The following GLDC variants were observed in gnomAD, a reference collection of about 807,000 sequenced individuals.
The protein encoded by GLDC is glycine dehydrogenase (decarboxylating), mitochondrial.
Under a neutral mutation model 121.3 loss-of-function variants are expected in GLDC, and 104 were observed. That is an observed-to-expected ratio of 0.86 (90% confidence interval 0.73 to 1.01). The LOEUF (loss-of-function observed/expected upper bound fraction) is 1.01. Among genes scored for constraint, GLDC ranks in the 50% least tolerant of loss-of-function variants. GLDC has a pLI of 0.00. For synonymous variants in GLDC, 546 were observed against 480.6 expected, an observed-to-expected ratio of 1.14 and a Z score of -1.78; for missense variants, 1,429 against 1,306.6, an observed-to-expected ratio of 1.09 and a Z score of -1.44.
At chr9:6,544,769 A>G (rs1282555880) in intron 21 of GLDC, among the ~76,000 whole-genome samples, 1 of 152,164 alleles carries the variant, frequency 6.6e-6, no homozygotes, top group Non-Finnish European at 1.5e-5. Flanking sequence ...CCTCCTATAA[A>G]AGTAGACAGC....
At chr9:6,633,470 C>T (rs929126323) in intron 2 of GLDC, among the ~76,000 whole-genome samples, 2 of 152,158 alleles carry the variant, frequency 1.3e-5, no homozygotes, top group African/African-American at 4.8e-5. Context: ...CCACGAATAC[C>T]TCAAACCCAA....
intron 20 of GLDC, among the ~76,000 whole-genome samples, chr9:6,551,668 A>G (rs1197353580): frequency 6.6e-6 from 1 of 152,218 alleles, no homozygotes; most frequent in Non-Finnish European, 1.5e-5. Context: ...TTCCTAGATT[A>G]AGAGCCAGAA....
At chr9:6,564,348 T>C (rs1027292080) in intron 16 of GLDC, among the ~76,000 whole-genome samples, 13 of 151,696 alleles carry the variant, frequency 8.6e-5, no homozygotes, top group African/African-American at 3.2e-4. Flanking sequence ...GGGAAAAAAA[T>C]GTTCCTTCGT....
chr9:6,582,520 C>CA (rs897998989), intron 15 of GLDC, among the ~76,000 whole-genome samples: 170 of 144,204 alleles, frequency 1.2e-3, no homozygotes, highest in Middle Eastern at 3.8e-3. Flanking sequence ...GGCTCCATCT[C>CA]AAAAAAAAAA....
At chr9:6,629,373 C>G (rs1819314092) in intron 2 of GLDC, among the ~76,000 whole-genome samples, 1 of 151,884 alleles carries the variant, frequency 6.6e-6, no homozygotes, top group Non-Finnish European at 1.5e-5. Flanking sequence ...TGCCACCATG[C>G]CCGGCTAATT....
chr9:6,572,814 C>T (rs889211665), intron 15 of GLDC, among the ~76,000 whole-genome samples: 9 of 152,158 alleles, frequency 5.9e-5, no homozygotes, highest in African/African-American at 2.2e-4. Flanking sequence ...TATTTTTCTG[C>T]TGAAGTTAAT....
At chr9:6,631,673 G>T (rs1293885228) in intron 2 of GLDC, among the ~76,000 whole-genome samples, 2 of 152,190 alleles carry the variant, frequency 1.3e-5, no homozygotes, top group Admixed American at 6.5e-5. Flanking sequence ...AAGGTACATT[G>T]TCATGGCCTA....
intron 15 of GLDC, among the ~76,000 whole-genome samples, chr9:6,569,649 C>T (rs892834923): frequency 6.6e-6 from 1 of 151,856 alleles, no homozygotes; most frequent in South Asian, 2.1e-4. Context: ...GAGACTCCAT[C>T]ACAAAAACAA....
At chr9:6,576,669 G>A (rs921636723) in intron 15 of GLDC, among the ~76,000 whole-genome samples, 22 of 152,146 alleles carry the variant, frequency 1.4e-4, no homozygotes, top group African/African-American at 4.3e-4. Context: ...GTTTCACTAC[G>A]TTGGCCAGGC....
At chr9:6,550,781 A>G in intron 21 of GLDC, 22 bp downstream of exon 21, 1 of 1,499,228 alleles carries the variant, frequency 6.7e-7, no homozygotes, top group East Asian at 2.3e-5. Context: ...CAAAGTAATG[A>G]TAGATTAAAG....
chr9:6,558,211 C>A, intron 17 of GLDC: 1 of 533,398 alleles, frequency 1.9e-6, no homozygotes, highest in Non-Finnish European at 3.4e-6. Context: ...ATTTGTGTTA[C>A]AATTCCTGAC....
intron 23 of GLDC, 131 bp from the exon 24 acceptor site, chr9:6,534,919 G>T: frequency 2.9e-6 from 2 of 688,780 alleles, no homozygotes; most frequent in Non-Finnish European, 5.4e-6. Flanking sequence ...TCAATTTAGG[G>T]GGGTACAATG....
chr9:6,600,244 CA>C (rs1818578132), intron 8 of GLDC, among the ~76,000 whole-genome samples: 1 of 151,962 alleles, frequency 6.6e-6, no homozygotes, highest in African/African-American at 2.4e-5. Flanking sequence ...GGAATGTACC[CA>C]TAGTCCCAGC....
chr9:6,638,074 A>G (rs1046493327), intron 2 of GLDC, among the ~76,000 whole-genome samples: 1 of 152,134 alleles, frequency 6.6e-6, no homozygotes, highest in African/African-American at 2.4e-5. Context: ...AATTGATAGC[A>G]TAATTATTTA....
chr9:6,561,313 C>G (rs145624110), intron 16 of GLDC, among the ~76,000 whole-genome samples: 3 of 152,254 alleles, frequency 2.0e-5, no homozygotes, highest in East Asian at 3.9e-4. Flanking sequence ...ATTTAGAGGA[C>G]TTTAATTATT....
chr9:6,573,793 A>G (rs572212301), intron 15 of GLDC, among the ~76,000 whole-genome samples: 125 of 152,360 alleles, frequency 8.2e-4, no homozygotes, highest in African/African-American at 2.8e-3. Context: ...GACCCACTTC[A>G]GTTCATGGCA....
At chr9:6,554,894 A>G in intron 18 of GLDC, 113 bp from the exon 19 acceptor site, 1 of 771,946 alleles carries the variant, frequency 1.3e-6, no homozygotes, top group East Asian at 2.7e-5. Flanking sequence ...AAGCAGGCAG[A>G]GCCACATCCA....
chr9:6,571,001 C>T (rs921565508), intron 15 of GLDC, among the ~76,000 whole-genome samples: 12 of 151,750 alleles, frequency 7.9e-5, no homozygotes, highest in Admixed American at 7.2e-4. Flanking sequence ...TTCCCTTCAA[C>T]TACCTATAAT....
At chr9:6,559,540 A>T (rs1587927552) in intron 16 of GLDC, among the ~76,000 whole-genome samples, 1 of 118,178 alleles carries the variant, frequency 8.5e-6, no homozygotes, top group African/African-American at 3.1e-5. Flanking sequence ...AAAAAAAAAA[A>T]AGATCAACCT....
Sources: gnomAD v4.1 joint callset for allele counts (sites outside exome capture counted in the v4.1 genomes callset) on GRCh38, gnomAD v4.1.1 for gene constraint, MANE v1.5 for transcripts, NCBI Gene and HGNC (gene_info 2026-07-23, HGNC 2026-07-21) for gene names.